The following CD48 variants were observed in gnomAD, a reference collection of about 807,000 sequenced individuals.
CD48 encodes the protein CD48 antigen.
A neutral mutation model predicts 22.0 loss-of-function variants in CD48; 20 were observed. The ratio of observed to expected loss-of-function variants is 0.91; its 90% CI spans 0.64 to 1.32. The LOEUF (loss-of-function observed/expected upper bound fraction) is 1.32. Ranked by LOEUF, CD48 falls within the 40% of genes most tolerant of loss-of-function variation. CD48 has a pLI of 0.00. For synonymous variants in CD48, 110 were observed against 110.1 expected (o/e 1.00, Z 0.01); for missense variants, 307 against 286.5 (o/e 1.07, Z -0.52).
At chr1:160,688,337 G>C (rs573666024) in intron 1 of CD48, among the ~76,000 whole-genome samples, 2 of 152,138 alleles carry the variant, frequency 1.3e-5, no homozygotes, top group African/African-American at 2.4e-5. Context: ...AAATGTATTG[G>C]GGGGAGGATT....
intron 1 of CD48, chr1:160,692,100 A>C (rs147780701): frequency 0.096 from 14,861 of 155,360 alleles, 787 homozygotes; most frequent in African/African-American, 0.12. Flanking sequence ...TAAAACAAGC[A>C]GGTAGGAAGG....
At chr1:160,696,577 AT>A (rs1186215014) in intron 1 of CD48, among the ~76,000 whole-genome samples, 1 of 151,772 alleles carries the variant, frequency 6.6e-6, no homozygotes, top group African/African-American at 2.4e-5. Flanking sequence ...GGCAAAAGAT[AT>A]TGTACAACAT....
At chr1:160,681,097 A>G (rs532842428) in intron 3 of CD48, 105 bp downstream of exon 3, 1 of 1,578,852 alleles carries the variant, frequency 6.3e-7, no homozygotes, top group Non-Finnish European at 8.6e-7. Flanking sequence ...TTAGGGATTC[A>G]CCACCACACT....
At chr1:160,700,661 G>A (rs1028611628) in intron 1 of CD48, among the ~76,000 whole-genome samples, 4 of 152,132 alleles carry the variant, frequency 2.6e-5, no homozygotes, top group Admixed American at 6.5e-5. Flanking sequence ...GCGCTGTGGA[G>A]ATTGGAATCT....
intron 1 of CD48, among the ~76,000 whole-genome samples, chr1:160,690,676 C>T (rs1170580735): frequency 2.0e-5 from 3 of 152,152 alleles, no homozygotes; most frequent in African/African-American, 7.2e-5. Flanking sequence ...TGGTGAACCA[C>T]CTGTTGTAAC....
In CD48 at chr1:160,681,265, G is replaced by A; in HGVS notation, c.589C>T (p.Gln197Ter). The change falls in exon 3 of 4, where the codon CAA (glutamine) becomes TAA (stop). Residue 197 changes from glutamine (Q) to a stop codon, truncating the protein, a stop_gained. Transcript: ENST00000368046. LOFTEE classifies it high-confidence loss of function. ...PHNYSRCYTCQVSNSVSSKNG... is the reference protein window; with the variant it reads ...PHNYSRCYTC Reference sequence around the variant, plus strand: ...TTGCTGCTCACAGAATTGCTGACTTGGCAAGTATAACACCTGGAGTAATTA... The same window carrying A: ...TTGCTGCTCACAGAATTGCTGACTTAGCAAGTATAACACCTGGAGTAATTA... 6.2e-7 allele frequency: 1 copy of A among 1,614,146 alleles called. No homozygotes were observed.
At chr1:160,685,264 C>T in intron 1 of CD48, 75 bp from the exon 2 acceptor site, 1 of 1,138,178 alleles carries the variant, frequency 8.8e-7, no homozygotes, top group Non-Finnish European at 1.3e-6. Flanking sequence ...ATAGCCTGGG[C>T]TGGTGGAACA....
At chr1:160,687,213 G>A (rs528537559) in intron 1 of CD48, among the ~76,000 whole-genome samples, 16 of 152,226 alleles carry the variant, frequency 1.1e-4, no homozygotes, top group Non-Finnish European at 1.3e-4. Flanking sequence ...CTGGCTCACC[G>A]GTGGTCAGAG....
chr1:160,682,727 G>T (rs1408323801), intron 2 of CD48, among the ~76,000 whole-genome samples: 2 of 152,140 alleles, frequency 1.3e-5, no homozygotes, highest in African/African-American at 4.8e-5. Context: ...ATGGATAATT[G>T]CTTTTTGAAG....
At chr1:160,705,305 C>T (rs1249209428) in intron 1 of CD48, among the ~76,000 whole-genome samples, 1 of 152,122 alleles carries the variant, frequency 6.6e-6, no homozygotes, top group Non-Finnish European at 1.5e-5. Flanking sequence ...CAGCCCATGC[C>T]CTATAATCCC....
intron 3 of CD48, 70 bp downstream of exon 3, chr1:160,681,132 C>T (rs745582708): frequency 1.4e-5 from 22 of 1,611,346 alleles, no homozygotes; most frequent in Non-Finnish European, 1.6e-5. Context: ...AATAGGACCC[C>T]CAGCCTTTCT....
At chr1:160,680,423 T>G (rs564012887) in intron 3 of CD48, 3 of 234,924 alleles carry the variant, frequency 1.3e-5, no homozygotes, top group Non-Finnish European at 1.4e-5. Context: ...TAGCACGAGA[T>G]AGGAACTGTT....
In CD48 at chr1:160,681,230, C is replaced by T. The variant is rs148599053; in HGVS notation, c.624G>A (p.Thr208=). 11 of 1,614,028 alleles carry T rather than the reference C, an allele frequency of 6.8e-6. No homozygotes were observed. The African/African-American group carries it at 1.5e-4, about 22-fold the overall frequency. Residue 208 remains threonine, a synonymous_variant, in exon 3 of 4, where the codon ACG becomes ACA. Coordinates refer to ENST00000368046, the MANE Select transcript of CD48 (RefSeq NM_001778.4). Reference sequence around the variant, plus strand: ...GGGTACAGGGTGGACTGAGGCAGACCGTGCCATTCTTGCTGCTCACAGAAT... The same window carrying T: ...GGGTACAGGGTGGACTGAGGCAGACTGTGCCATTCTTGCTGCTCACAGAAT... ...VSNSVSSKNG[T]VCLSPPCTLA...
At chr1:160,706,443 T>C (rs1254942290) in intron 1 of CD48, among the ~76,000 whole-genome samples, 1 of 152,192 alleles carries the variant, frequency 6.6e-6, no homozygotes, top group Non-Finnish European at 1.5e-5. Context: ...TCTCCCTCCT[T>C]AACCACCCAT....
At chr1:160,688,635 A>T (rs961992846) in intron 1 of CD48, among the ~76,000 whole-genome samples, 1 of 152,184 alleles carries the variant, frequency 6.6e-6, no homozygotes, top group East Asian at 1.9e-4. Flanking sequence ...AACAGTCAAA[A>T]TAGTTTTCCC....
chr1:160,707,711 G>C (rs1033964105), intron 1 of CD48, among the ~76,000 whole-genome samples: 1 of 152,140 alleles, frequency 6.6e-6, no homozygotes, highest in Non-Finnish European at 1.5e-5. Flanking sequence ...GCCACTGTGG[G>C]AAATGGGAGA....
intron 1 of CD48, among the ~76,000 whole-genome samples, chr1:160,711,079 G>A (rs143887742): frequency 6.6e-6 from 1 of 152,264 alleles, no homozygotes; most frequent in African/African-American, 2.4e-5. Flanking sequence ...ACAGGCTGTG[G>A]CAGAGGAATG....
At chr1:160,710,563 C>T (rs1055970207) in intron 1 of CD48, among the ~76,000 whole-genome samples, 1 of 152,178 alleles carries the variant, frequency 6.6e-6, no homozygotes, top group Non-Finnish European at 1.5e-5. Context: ...TTTCAGTATG[C>T]CTAGAGAAAG....
At chr1:160,703,840 C>A (rs1252460182) in intron 1 of CD48, among the ~76,000 whole-genome samples, 3 of 152,186 alleles carry the variant, frequency 2.0e-5, no homozygotes, top group African/African-American at 7.2e-5. Context: ...AGGAAAGAGC[C>A]AGAGCAAAGG....
Sources: allele counts gnomAD v4.1 joint callset (sites outside exome capture counted in the v4.1 genomes callset), GRCh38; gene constraint gnomAD v4.1.1; transcripts MANE v1.5; gene names NCBI Gene and HGNC (gene_info 2026-07-23, HGNC 2026-07-21).